Variants in SAMD4A observed in about 807,000 individuals in gnomAD.
SAMD4A encodes sterile alpha motif domain containing 4A, also known as protein Smaug homolog 1.
In SAMD4A, 33 loss-of-function variants were observed where a neutral mutation model predicts 81.3. The ratio of observed to expected loss-of-function variants is 0.41; its 90% CI spans 0.31 to 0.54. SAMD4A has a LOEUF of 0.54. Ranked by LOEUF, SAMD4A falls within the 20% of genes least tolerant of loss-of-function variation. The probability of loss-of-function intolerance (pLI) is 0.37; values close to 1 mark genes in which losing one functional copy is unlikely to be tolerated. For missense variants in SAMD4A, 854 were observed against 951.1 expected (o/e 0.90, Z 1.34); for synonymous variants, 389 against 382.1 (o/e 1.02, Z -0.21).
chr14:54,709,596 AT>A (rs959844781), intron 3 of SAMD4A, among the ~76,000 whole-genome samples: 6 of 152,020 alleles, frequency 3.9e-5, no homozygotes, highest in African/African-American at 9.7e-5. Context: ...AGAAGAATGT[AT>A]TTTTTTAGCA....
chr14:54,783,003 ACAGGTTCC>A (rs1249873595), intron 11 of SAMD4A, among the ~76,000 whole-genome samples: 1 of 152,088 alleles, frequency 6.6e-6, no homozygotes, highest in African/African-American at 2.4e-5. Flanking sequence ...TCAGCATGGA[ACAGGTTCC>A]CAGGCTCACA....
chr14:54,751,846 G>T (rs923144843), intron 6 of SAMD4A, among the ~76,000 whole-genome samples: 13 of 152,162 alleles, frequency 8.5e-5, no homozygotes, highest in African/African-American at 3.1e-4. Context: ...GTATACATTT[G>T]TAGAGATCAG....
intron 2 of SAMD4A, among the ~76,000 whole-genome samples, chr14:54,593,491 A>G (rs900104239): frequency 1.3e-5 from 2 of 152,244 alleles, no homozygotes; most frequent in African/African-American, 2.4e-5. Context: ...AAAACTGGCA[A>G]TGTAAGAAGA....
intron 2 of SAMD4A, among the ~76,000 whole-genome samples, chr14:54,616,182 C>T (rs531951805): frequency 6.6e-6 from 1 of 152,150 alleles, no homozygotes; most frequent in African/African-American, 2.4e-5. Flanking sequence ...TTGCCTTGCT[C>T]CCTCTGCTCA....
At chr14:54,695,519 G>T (rs1475230518) in intron 2 of SAMD4A, among the ~76,000 whole-genome samples, 1 of 152,186 alleles carries the variant, frequency 6.6e-6, no homozygotes, top group Admixed American at 6.5e-5. Flanking sequence ...ATGACCTAAG[G>T]TCAGAACGCC....
rs549934105 is a variant in SAMD4A, at chr14:54,724,443, A to G, written c.716-12581A>G. 1.1e-3 allele frequency among the ~76,000 whole-genome samples: 165 copies of G among 152,314 alleles called. 1 individual carries two copies. Among genetic ancestry groups the G allele is most frequent in the African/African-American group, 3.8e-3 (156 of 41,582 alleles). The stretch of plus-strand genomic sequence containing the variant: ...AATCTGCTTCAGAGAGCATTAAATG[A>G]GGATTAAATGGAACAACATGTTTAC... On this transcript the variant is annotated intron_variant, in intron 3 of 12. Coordinates refer to ENST00000554335, the MANE Select transcript of SAMD4A (RefSeq NM_015589.6).
chr14:54,658,116 C>T (rs1039627438), intron 2 of SAMD4A, among the ~76,000 whole-genome samples: 10 of 152,120 alleles, frequency 6.6e-5, no homozygotes, highest in Non-Finnish European at 1.5e-4. Context: ...TTGAGACCAG[C>T]CTGGCCAACA....
At position 54,584,446 on chromosome 14, in the gene SAMD4A, A is replaced by G. The variant is rs200310136; in HGVS notation, c.196+16334A>G. ...CTACTAGGCTTTAGATTTAGGGACA[A>G]CTGTTCAGATTAACCCCTTAGACTT... On this transcript the variant is annotated intron_variant, in intron 2 of 12. Coordinates refer to ENST00000554335, the MANE Select transcript of SAMD4A (RefSeq NM_015589.6). Among the ~76,000 whole-genome samples, 14 of 152,314 alleles carry G rather than the reference A, an allele frequency of 9.2e-5. No individual in the cohort carries two copies. The South Asian group carries it at 1.5e-3, about 16-fold the overall frequency.
At chr14:54,589,090 C>G (rs562454315) in intron 2 of SAMD4A, among the ~76,000 whole-genome samples, 11 of 152,284 alleles carry the variant, frequency 7.2e-5, no homozygotes, top group Admixed American at 2.0e-4. Context: ...TCAAAGAGCT[C>G]AAATTAGCAC....
intron 2 of SAMD4A, among the ~76,000 whole-genome samples, chr14:54,603,328 GC>G (rs1488637429): frequency 6.6e-6 from 1 of 151,976 alleles, no homozygotes; most frequent in African/African-American, 2.4e-5. Context: ...CTTTTTATTA[GC>G]CCAAAGATAA....
intron 2 of SAMD4A, among the ~76,000 whole-genome samples, chr14:54,646,698 A>G (rs559317372): frequency 6.6e-6 from 1 of 152,354 alleles, no homozygotes; most frequent in Non-Finnish European, 1.5e-5. Context: ...TGCCTATTTC[A>G]TCAGTTCACT....
intron 2 of SAMD4A, among the ~76,000 whole-genome samples, chr14:54,675,367 CAAAAAAA>C (rs59110762): frequency 1.1e-4 from 8 of 75,386 alleles, no homozygotes; most frequent in Admixed American, 2.2e-4. Flanking sequence ...ACTCCGTCTC[CAAAAAAA>C]AAAAAAAAAA....
In SAMD4A at chr14:54,592,924, ACAGTTTGTATTTTGCTTTTCCTT is replaced by A. The variant is rs1471700279; in HGVS notation, c.196+24815_196+24837del. Among the ~76,000 whole-genome samples the A allele has an allele frequency of 3.3e-5, 5 of 152,286 alleles. No homozygotes were observed. The East Asian group carries it at 9.6e-4, about 29-fold the overall frequency. ...ACAATGTAGGAATCAAGTACTTTAT[ACAGTTTGTATTTTGCTTTTCCTT>A]CACATTTCATTTAATGTTATATTAT... On this transcript the variant is annotated intron_variant, in intron 2 of 12. Coordinates refer to ENST00000554335, the MANE Select transcript of SAMD4A (RefSeq NM_015589.6).
chr14:54,585,825 TA>T (rs2033599767), intron 2 of SAMD4A, among the ~76,000 whole-genome samples: 1 of 152,206 alleles, frequency 6.6e-6, no homozygotes, highest in Non-Finnish European at 1.5e-5. Context: ...ACATTTTCTT[TA>T]TTCACTCATT....
chr14:54,621,198 G>A (rs914014677), intron 2 of SAMD4A, among the ~76,000 whole-genome samples: 3 of 152,170 alleles, frequency 2.0e-5, no homozygotes, highest in Middle Eastern at 3.2e-3. Flanking sequence ...TTTTCAAATA[G>A]CAACTCTTGA....
chr14:54,688,269 A>G, intron 2 of SAMD4A: 1 of 985,238 alleles, frequency 1.0e-6, no homozygotes, highest in Non-Finnish European at 1.2e-6. Context: ...ACCAAACTTC[A>G]CCAAACGGTT....
chr14:54,608,581 A>T (rs2034276299), intron 2 of SAMD4A, among the ~76,000 whole-genome samples: 1 of 152,234 alleles, frequency 6.6e-6, no homozygotes, highest in Admixed American at 6.5e-5. Flanking sequence ...ACTTTTGTCT[A>T]ATACTGGACA....
rs199867009 is a variant in SAMD4A, at chr14:54,702,155, C to T, written c.290C>T (p.Ala97Val). The T allele has an allele frequency of 2.5e-5, 40 of 1,614,092 alleles. No individual in the cohort carries two copies. The highest frequency in any genetic ancestry group is 1.7e-5 in the Admixed American group (1 of 60,010). The part of the protein sequence containing the change: ...LPLLKPGNLD[A>V]KVEYMKLLPK... ...TTGCTGAAGCCAGGAAACCTCGACG[C>T]GAAAGTAGAATATATGAAACTGCTG... The change falls in exon 3 of 13, where the codon GCG becomes GTG. Residue 97 changes from alanine to valine, a missense_variant. By Grantham distance (64) the Ala-to-Val change is moderately conservative (BLOSUM62 0). Coordinates refer to ENST00000554335, the MANE Select transcript of SAMD4A (RefSeq NM_015589.6).
At chr14:54,689,330 G>A (rs1349890915) in intron 2 of SAMD4A, among the ~76,000 whole-genome samples, 2 of 152,166 alleles carry the variant, frequency 1.3e-5, no homozygotes, top group East Asian at 3.8e-4. Context: ...TCCCCATCCT[G>A]TAGGAGAGAG....
Sources: allele counts gnomAD v4.1 joint callset (sites outside exome capture counted in the v4.1 genomes callset), GRCh38; gene constraint gnomAD v4.1.1; transcripts MANE v1.5; gene names NCBI Gene and HGNC (gene_info 2026-07-23, HGNC 2026-07-21).